SEC14L1: variants seen among roughly 807,000 people sequenced by gnomAD.
SEC14L1 encodes the protein SEC14-like protein 1.
Under a neutral mutation model 85.3 loss-of-function variants are expected in SEC14L1, and 48 were observed. The ratio of observed to expected loss-of-function variants is 0.56; its 90% CI spans 0.45 to 0.72. SEC14L1 has a LOEUF of 0.72. SEC14L1 is among the 30% of genes least tolerant of loss of function. The pLI is 0.00. For synonymous variants in SEC14L1, 391 were observed against 355.5 expected (o/e 1.10, Z -1.12); for missense variants, 682 against 921.4 (o/e 0.74, Z 3.36).
chr17:77,188,610 A>G (rs1975379953), intron 3 of SEC14L1, among the ~76,000 whole-genome samples: 3 of 152,144 alleles, frequency 2.0e-5, no homozygotes, highest in South Asian at 4.1e-4. Flanking sequence ...GAATGTTTGT[A>G]TATGGGGTTT....
upstream of SEC14L1, among the ~76,000 whole-genome samples, chr17:77,140,071 G>A (rs974934471): frequency 6.6e-6 from 1 of 152,208 alleles, no homozygotes; most frequent in African/African-American, 2.4e-5. Context: ...ATTGCATGTT[G>A]GTTATAAAAC....
chr17:77,171,810 C>T (rs1974534085), intron 3 of SEC14L1, among the ~76,000 whole-genome samples: 1 of 152,160 alleles, frequency 6.6e-6, no homozygotes, highest in African/African-American at 2.4e-5. Context: ...CTACTGAGTA[C>T]CCGTTATGCC....
chr17:77,203,544 A>G, intron 9 of SEC14L1, 26 bp from the exon 10 acceptor site: 1 of 1,597,074 alleles, frequency 6.3e-7, no homozygotes, highest in Non-Finnish European at 8.6e-7. Context: ...TGGTGCTGAC[A>G]ACTCATTCCT....
Position 77,143,548 on chromosome 17 carries a change from A to G in SEC14L1, c.-30-19A>G, listed in dbSNP as rs757095903. ...TTTCTGCATTGTGGTTACTTATCAC[A>G]TATATTTATGTTTTGCAGGTGTGAG... On this transcript the variant is annotated intron_variant, in intron 2 of 16. Transcript: ENST00000436233. 44 of 1,472,876 alleles carry G rather than the reference A, an allele frequency of 3.0e-5. No individual in the cohort carries two copies. In the South Asian group the frequency reaches 4.5e-4, roughly 15 times the overall value. The allele number at this position is 1,472,876 out of a possible 1,614,324, so 91.2% of individuals were successfully genotyped here. A position where few individuals can be genotyped will look rare whatever the true frequency, so the allele number is the denominator to read the frequency against.
rs1485639088 is a variant in SEC14L1, at chr17:77,206,618, A to G, written c.1342-110A>G. 7.3e-7 allele frequency: 1 copy of G among 1,362,138 alleles called. No homozygotes were observed. Among genetic ancestry groups the G allele is most frequent in the East Asian group, 2.3e-5 (1 of 43,270 alleles). The allele number at this position is 1,362,138 out of a possible 1,614,324, so 84.4% of individuals were successfully genotyped here. A position where few individuals can be genotyped will look rare whatever the true frequency, so the allele number is the denominator to read the frequency against. ...TAGACTTTACAGAAGAAGTATATAA[A>G]CTTGAATGTCTTCCCCCCACCCTCC... On this transcript the variant is annotated intron_variant, in intron 12 of 16. Transcript: ENST00000436233. The surrounding 1 kb of genome is among the most constrained non-coding windows in gnomAD (Gnocchi z 4.3).
chr17:77,202,141 T>C (rs117140021), intron 9 of SEC14L1, among the ~76,000 whole-genome samples: 2,274 of 151,976 alleles, frequency 0.015, 24 homozygotes, highest in Non-Finnish European at 0.023. Flanking sequence ...GGCAGTATGA[T>C]AGGAGTTAGG....
intron 3 of SEC14L1, among the ~76,000 whole-genome samples, chr17:77,102,612 T>C (rs1971803939): frequency 1.3e-5 from 2 of 152,004 alleles, no homozygotes; most frequent in Non-Finnish European, 2.9e-5. Flanking sequence ...CAAGTGATTC[T>C]CCTACCTCAG....
intron 3 of SEC14L1, among the ~76,000 whole-genome samples, chr17:77,134,588 C>T (rs1259755961): frequency 6.6e-6 from 1 of 152,034 alleles, no homozygotes; most frequent in Non-Finnish European, 1.5e-5. Flanking sequence ...AAAAATTAGG[C>T]AGGTGTGGTG....
At chr17:77,203,462 C>T (rs954136596) in intron 9 of SEC14L1, 108 bp from the exon 10 acceptor site, 7 of 889,706 alleles carry the variant, frequency 7.9e-6, no homozygotes, top group East Asian at 2.8e-5. Context: ...GACTTTTAAG[C>T]GCCCCTAGAA....
At chr17:77,189,875 A>G (rs768536118) in intron 3 of SEC14L1, among the ~76,000 whole-genome samples, 1 of 151,994 alleles carries the variant, frequency 6.6e-6, no homozygotes, top group Non-Finnish European at 1.5e-5. Context: ...TGATCTGCCC[A>G]CCTCAGACTC....
chr17:77,144,557 AAAAC>A (rs1567891604), intron 3 of SEC14L1: 2 of 152,242 alleles, frequency 1.3e-5, no homozygotes, highest in East Asian at 3.8e-4. Flanking sequence ...ATAGTTTTGA[AAAAC>A]AAGAAGTCCT....
chr17:77,160,092 G>C (rs1473899630), intron 3 of SEC14L1, among the ~76,000 whole-genome samples: 1 of 152,232 alleles, frequency 6.6e-6, no homozygotes, highest in Non-Finnish European at 1.5e-5. Flanking sequence ...TGAGTGATCA[G>C]TATTTTCCTG....
chr17:77,130,449 TGG>T (rs1368340722), intron 3 of SEC14L1, among the ~76,000 whole-genome samples: 1 of 150,714 alleles, frequency 6.6e-6, no homozygotes, highest in Non-Finnish European at 1.5e-5. Context: ...CCCGAGTATC[TGG>T]GATTACAAGT....
chr17:77,191,244 T>A lies in SEC14L1; in HGVS notation c.277T>A (p.Leu93Met). The A allele has an allele frequency of 6.2e-7, 1 of 1,613,964 alleles. No individual in the cohort carries two copies. Among genetic ancestry groups the A allele is most frequent in the Non-Finnish European group, 8.5e-7 (1 of 1,179,802 alleles). Residue 93 changes from leucine (L) to methionine (M), a missense_variant, in exon 5 of 17, where the codon TTG (leucine) becomes ATG (methionine). This residue lies in a region of SEC14L1 where 139 missense variants were observed against 201.3 expected (regional missense o/e 0.69). Coordinates refer to ENST00000436233, the MANE Select transcript of SEC14L1 (RefSeq NM_001143998.2). ...CTCACTGAATTCTCGGGAACGTACTTTGCACATTGAGGCTTATAATGAAAC... is the reference window on the plus strand; with the variant it reads ...CTCACTGAATTCTCGGGAACGTACTATGCACATTGAGGCTTATAATGAAAC... ...KNSLNSRERT[L>M]HIEAYNETFS...
At chr17:77,179,015 G>C (rs752848363) in intron 3 of SEC14L1, among the ~76,000 whole-genome samples, 2 of 152,206 alleles carry the variant, frequency 1.3e-5, no homozygotes, top group African/African-American at 2.4e-5. Context: ...AGAAAACGTG[G>C]AATTTGGAAG....
chr17:77,190,982 A>G, intron 4 of SEC14L1, 30 bp downstream of exon 4: 5 of 1,610,694 alleles, frequency 3.1e-6, no homozygotes, highest in Non-Finnish European at 4.2e-6. Flanking sequence ...TCTTGGAGGG[A>G]AAGGGCGTCC....
intron 11 of SEC14L1, among the ~76,000 whole-genome samples, chr17:77,205,961 T>C (rs915008569): frequency 6.6e-6 from 1 of 152,180 alleles, no homozygotes; most frequent in Non-Finnish European, 1.5e-5. Flanking sequence ...GCTTGCCGGC[T>C]CACTGAGCAT....
intron 3 of SEC14L1, among the ~76,000 whole-genome samples, chr17:77,108,827 C>CTT (rs78214523): frequency 3.8e-5 from 5 of 129,900 alleles, no homozygotes; most frequent in Non-Finnish European, 1.7e-5. Flanking sequence ...TCATCTGTTT[C>CTT]TTTTTTTTTT....
chr17:77,169,489 C>G (rs1974436312), intron 3 of SEC14L1, among the ~76,000 whole-genome samples: 1 of 152,230 alleles, frequency 6.6e-6, no homozygotes, highest in African/African-American at 2.4e-5. Context: ...TCTGGCCTGC[C>G]TGCCGCACAA....
Sources: allele counts gnomAD v4.1 joint callset (sites outside exome capture counted in the v4.1 genomes callset), GRCh38; gene constraint gnomAD v4.1.1; regional missense constraint gnomAD v4.1.1; non-coding constraint Gnocchi (gnomAD v3.1); transcripts MANE v1.5; gene names NCBI Gene and HGNC (gene_info 2026-07-23, HGNC 2026-07-21).